Variants in TBC1D5 observed in about 807,000 individuals in gnomAD.
TBC1D5 encodes the protein TBC1 domain family, member 5.
Under a neutral mutation model 100.3 loss-of-function variants are expected in TBC1D5, and 75 were observed. That is an observed-to-expected ratio of 0.75 (90% CI 0.62 to 0.91). The LOEUF is 0.91. TBC1D5 is among the 40% of genes least tolerant of loss of function. The probability of loss-of-function intolerance (pLI) is 0.00; values close to 1 mark genes in which losing one functional copy is unlikely to be tolerated. For missense variants in TBC1D5, 910 were observed against 942.4 expected (o/e 0.97, Z 0.45); for synonymous variants, 323 against 325.6 (o/e 0.99, Z 0.09).
intron 2 of TBC1D5, among the ~76,000 whole-genome samples, chr3:17,584,555 T>C (rs894461223): frequency 2.6e-5 from 4 of 152,220 alleles, no homozygotes; most frequent in African/African-American, 4.8e-5. Context: ...CAGGGTTTTT[T>C]TTTCCTCTGT....
intron 13 of TBC1D5, among the ~76,000 whole-genome samples, chr3:17,322,613 G>C (rs1057056766): frequency 2.0e-5 from 3 of 152,196 alleles, no homozygotes; most frequent in African/African-American, 7.2e-5. Flanking sequence ...AAGTTTAAAA[G>C]ACGCAGACTC....
At chr3:17,703,306 T>TA (rs1278234692) in intron 1 of TBC1D5, among the ~76,000 whole-genome samples, 4 of 151,470 alleles carry the variant, frequency 2.6e-5, no homozygotes, top group South Asian at 2.1e-4. Context: ...AGGTAGGCTT[T>TA]AAAAAAAAAT....
chr3:17,290,225 A>G (rs915332226), intron 15 of TBC1D5, among the ~76,000 whole-genome samples: 10 of 152,230 alleles, frequency 6.6e-5, no homozygotes, highest in Admixed American at 3.3e-4. Flanking sequence ...TAAAGAATCT[A>G]TATTTTAATG....
At chr3:17,163,048 C>T (rs1207951371) in intron 21 of TBC1D5, among the ~76,000 whole-genome samples, 1 of 152,202 alleles carries the variant, frequency 6.6e-6, no homozygotes, top group African/African-American at 2.4e-5. Context: ...ACTGAGATCA[C>T]TTATTCTCCT....
chr3:17,227,202 T>C (rs527318231), intron 17 of TBC1D5, among the ~76,000 whole-genome samples: 1 of 152,198 alleles, frequency 6.6e-6, no homozygotes, highest in African/African-American at 2.4e-5. Flanking sequence ...GAGTGTGAGC[T>C]AGATCTTAAA....
At chr3:17,730,254 T>G (rs145705123) in intron 1 of TBC1D5, among the ~76,000 whole-genome samples, 167 of 152,356 alleles carry the variant, frequency 1.1e-3, no homozygotes, top group African/African-American at 3.8e-3. Context: ...AAGTTGCAAA[T>G]TCTTTGTCAT....
At chr3:17,246,734 T>G (rs900839736) in intron 16 of TBC1D5, among the ~76,000 whole-genome samples, 1 of 152,192 alleles carries the variant, frequency 6.6e-6, no homozygotes, top group Non-Finnish European at 1.5e-5. Context: ...CACACAAAAA[T>G]TACTTTGAGG....
chr3:17,433,232 G>A (rs889446462), intron 3 of TBC1D5, among the ~76,000 whole-genome samples: 4 of 152,198 alleles, frequency 2.6e-5, no homozygotes, highest in Non-Finnish European at 5.9e-5. Flanking sequence ...AGAAGAAGCA[G>A]CGGACATGAA....
Position 17,611,732 on chromosome 3 carries a change from A to G in TBC1D5, c.-36+12117T>C, listed in dbSNP as rs190748646. 1.0e-3 allele frequency among the ~76,000 whole-genome samples: 153 copies of G among 152,340 alleles called. 2 individuals carry two copies. The South Asian group carries it at 0.018, about 18-fold the overall frequency. ...AATGGGAGATGAGAAAATAAAGATG[A>G]AAAGGTAGCAAAGTAGAGATAAGTC... On this transcript the variant is annotated intron_variant, in intron 2 of 21. Transcript: ENST00000253692.
At chr3:17,157,715 T>A (rs992569074) in exon 22 of TBC1D5, 1 of 144,582 alleles carries the variant, frequency 6.9e-6, no homozygotes, top group Non-Finnish European at 1.6e-5. Context: ...CTTAAAAAAA[T>A]AAAATAAAAA....
At chr3:17,633,175 G>A (rs2063635192) in intron 1 of TBC1D5, among the ~76,000 whole-genome samples, 1 of 152,150 alleles carries the variant, frequency 6.6e-6, no homozygotes, top group Non-Finnish European at 1.5e-5. Context: ...GGTGACCCAT[G>A]CCTGTAATCC....
intron 1 of TBC1D5, among the ~76,000 whole-genome samples, chr3:17,670,791 A>T (rs2067851657): frequency 6.6e-6 from 1 of 152,240 alleles, no homozygotes; most frequent in Non-Finnish European, 1.5e-5. Context: ...ATCCTTTCAT[A>T]GCATTCAAAA....
At chr3:17,455,423 T>C (rs2095052053) in intron 3 of TBC1D5, among the ~76,000 whole-genome samples, 1 of 146,132 alleles carries the variant, frequency 6.8e-6, no homozygotes, top group Non-Finnish European at 1.5e-5. Context: ...TATATGTATA[T>C]ATGTGTGTAT....
chr3:17,339,064 G>T (rs1183204931), intron 13 of TBC1D5, among the ~76,000 whole-genome samples: 1 of 152,152 alleles, frequency 6.6e-6, no homozygotes, highest in Non-Finnish European at 1.5e-5. Context: ...AATTATTTTT[G>T]AAGAAAAGAT....
chr3:17,477,990 T>A (rs1300137019), intron 3 of TBC1D5, among the ~76,000 whole-genome samples: 1 of 152,114 alleles, frequency 6.6e-6, no homozygotes, highest in Non-Finnish European at 1.5e-5. Flanking sequence ...ATTTTAGAGG[T>A]TAAAAGACTC....
chr3:17,292,008 A>C lies in TBC1D5; in HGVS notation c.1139-7T>G. 6.2e-7 allele frequency: 1 copy of C among 1,605,330 alleles called. No homozygotes were observed. The highest frequency in any genetic ancestry group is 1.3e-5 in the African/African-American group (1 of 74,802). On this transcript the variant is annotated splice_region_variant and splice_polypyrimidine_tract_variant and intron_variant, in intron 14 of 21. Coordinates refer to ENST00000253692, the Ensembl canonical transcript of TBC1D5. ...TGGTAGTTACTAGAGATCACTAAAT[A>C]AGAAGAAAAAATAATTCAGATGCAA...
intron 1 of TBC1D5, among the ~76,000 whole-genome samples, chr3:17,676,968 G>A (rs1345332511): frequency 1.3e-5 from 2 of 152,096 alleles, no homozygotes; most frequent in African/African-American, 4.8e-5. Context: ...GCTGAAACTG[G>A]ATCCCTTCCT....
intron 2 of TBC1D5, among the ~76,000 whole-genome samples, chr3:17,532,678 C>T (rs1369428910): frequency 6.6e-6 from 1 of 152,156 alleles, no homozygotes; most frequent in Non-Finnish European, 1.5e-5. Context: ...GAGTTCATTT[C>T]CTTTGTAGGG....
intron 1 of TBC1D5, among the ~76,000 whole-genome samples, chr3:17,726,145 T>C (rs2153976068): frequency 6.6e-6 from 1 of 152,370 alleles, no homozygotes; most frequent in Admixed American, 6.5e-5. Context: ...ATTCCATGTC[T>C]TTGCCGTCGC....
Sources: allele counts gnomAD v4.1 joint callset (sites outside exome capture counted in the v4.1 genomes callset), GRCh38; gene constraint gnomAD v4.1.1; transcripts MANE v1.5; gene names NCBI Gene and HGNC (gene_info 2026-07-23, HGNC 2026-07-21).